Variants in NRG3 observed in about 807,000 individuals in gnomAD.
NRG3 encodes the protein pro-neuregulin-3, membrane-bound isoform.
A neutral mutation model predicts 66.9 loss-of-function variants in NRG3; 31 were observed. That is an observed-to-expected ratio of 0.46 (90% CI 0.35 to 0.63). The LOEUF (loss-of-function observed/expected upper bound fraction) is 0.63, where lower values mean the gene tolerates loss of function less well. Ranked by LOEUF, NRG3 falls within the 20% of genes least tolerant of loss-of-function variation. NRG3 has a pLI of 0.00. For missense variants in NRG3, 910 were observed against 878.9 expected (o/e 1.04, Z -0.45); for synonymous variants, 393 against 359.4 (o/e 1.09, Z -1.06).
At chr10:82,208,775 A>G (rs1269321280) in intron 1 of NRG3, among the ~76,000 whole-genome samples, 1 of 152,152 alleles carries the variant, frequency 6.6e-6, no homozygotes, top group African/African-American at 2.4e-5. Flanking sequence ...TAACAATTTA[A>G]TAAATATTAC....
intron 2 of NRG3, among the ~76,000 whole-genome samples, chr10:82,487,546 T>C (rs922279320): frequency 1.3e-5 from 2 of 152,174 alleles, no homozygotes; most frequent in Admixed American, 1.3e-4. Flanking sequence ...AGGTTAAACA[T>C]GTCATCATGA....
At chr10:82,973,132 G>C (rs1466397442) in intron 6 of NRG3, among the ~76,000 whole-genome samples, 1 of 152,154 alleles carries the variant, frequency 6.6e-6, no homozygotes, top group Admixed American at 6.6e-5. Flanking sequence ...GAGATGCCAT[G>C]TGATATTTCT....
intron 2 of NRG3, among the ~76,000 whole-genome samples, chr10:82,573,587 A>G (rs1366975072): frequency 6.6e-6 from 1 of 151,828 alleles, no homozygotes; most frequent in African/African-American, 2.4e-5. Flanking sequence ...TGAAGTGCTT[A>G]TGCAACACAT....
At chr10:82,869,690 C>T (rs1311609822) in intron 4 of NRG3, among the ~76,000 whole-genome samples, 1 of 151,500 alleles carries the variant, frequency 6.6e-6, no homozygotes, top group African/African-American at 2.4e-5. Flanking sequence ...TCACTGCAAG[C>T]TCCGCCTCAG....
rs749280670 is a variant in NRG3 at position 82,168,143 on chromosome 10, T to A, written c.824-190596T>A. On this transcript the variant is annotated intron_variant, in intron 1 of 8. Coordinates refer to ENST00000372141, the MANE Select transcript of NRG3 (RefSeq NM_001010848.4). ...AATATGACTTTGAATATTTTCTCTT[T>A]GTGCAGCCTAAGATTGCTGCATTTG... Among the ~76,000 whole-genome samples the A allele has an allele frequency of 2.0e-5, 3 of 152,192 alleles. No individual in the cohort carries two copies. The East Asian group carries it at 5.8e-4, about 29-fold the overall frequency.
intron 1 of NRG3, among the ~76,000 whole-genome samples, chr10:81,963,151 T>TTG (rs745834169): frequency 0.016 from 2,113 of 135,452 alleles, 80 homozygotes; most frequent in Non-Finnish European, 0.024. Flanking sequence ...TTTTTTTTTT[T>TTG]GAGACGGAGT....
intron 1 of NRG3, among the ~76,000 whole-genome samples, chr10:82,344,135 C>T (rs1381228004): frequency 1.3e-5 from 2 of 149,412 alleles, no homozygotes; most frequent in Non-Finnish European, 2.9e-5. Context: ...CATACGTATA[C>T]ATGTGCCATG....
intron 4 of NRG3, among the ~76,000 whole-genome samples, chr10:82,879,206 T>A (rs975416827): frequency 1.3e-5 from 2 of 152,192 alleles, no homozygotes; most frequent in African/African-American, 4.8e-5. Flanking sequence ...TTGTTGTGGA[T>A]CTCCAGCCCA....
At chr10:82,015,645 A>G (rs2061755105) in intron 1 of NRG3, among the ~76,000 whole-genome samples, 1 of 152,054 alleles carries the variant, frequency 6.6e-6, no homozygotes, top group Admixed American at 6.6e-5. Context: ...CCTTGGAAGA[A>G]GGTGACTTAA....
intron 2 of NRG3, among the ~76,000 whole-genome samples, chr10:82,639,122 T>A (rs2050394878): frequency 6.6e-6 from 1 of 152,296 alleles, no homozygotes; most frequent in East Asian, 1.9e-4. Flanking sequence ...CAGGATACCA[T>A]TGTCTTAATC....
chr10:82,106,056 A>C (rs182893826), intron 1 of NRG3, among the ~76,000 whole-genome samples: 1 of 152,184 alleles, frequency 6.6e-6, no homozygotes, highest in African/African-American at 2.4e-5. Context: ...TCTATTTCCA[A>C]TACTTTCCAC....
intron 2 of NRG3, among the ~76,000 whole-genome samples, chr10:82,400,967 T>C (rs1482193729): frequency 6.6e-6 from 1 of 152,126 alleles, no homozygotes; most frequent in Non-Finnish European, 1.5e-5. Context: ...ATCTCTTCCT[T>C]GGGTTTGGCA....
chr10:82,303,732 G>T (rs2080548660), intron 1 of NRG3, among the ~76,000 whole-genome samples: 1 of 151,990 alleles, frequency 6.6e-6, no homozygotes, highest in South Asian at 2.1e-4. Flanking sequence ...GCCGGGCGTG[G>T]TGGCGAGGGC....
intron 4 of NRG3, among the ~76,000 whole-genome samples, chr10:82,887,691 T>C (rs1842839293): frequency 1.3e-5 from 2 of 152,232 alleles, no homozygotes; most frequent in African/African-American, 4.8e-5. Context: ...TGCAATGTGC[T>C]AGGCATGATG....
At chr10:82,484,474 T>A (rs1474019558) in intron 2 of NRG3, among the ~76,000 whole-genome samples, 2 of 152,176 alleles carry the variant, frequency 1.3e-5, no homozygotes, top group African/African-American at 4.8e-5. Flanking sequence ...ACAATAACAG[T>A]TTTGTTGTCA....
intron 1 of NRG3, among the ~76,000 whole-genome samples, chr10:82,050,351 T>A (rs2063533239): frequency 1.3e-5 from 2 of 152,010 alleles, no homozygotes; most frequent in African/African-American, 2.4e-5. Flanking sequence ...TAATATTTTA[T>A]TATAAACCAC....
At chr10:82,735,885 C>T (rs1251356470) in intron 2 of NRG3, among the ~76,000 whole-genome samples, 2 of 151,944 alleles carry the variant, frequency 1.3e-5, no homozygotes, top group Non-Finnish European at 2.9e-5. Context: ...AACAAACCTG[C>T]ACATTTTGCA....
chr10:81,885,508 A>G (rs1842543289), intron 1 of NRG3, among the ~76,000 whole-genome samples: 1 of 152,174 alleles, frequency 6.6e-6, no homozygotes, highest in Non-Finnish European at 1.5e-5. Flanking sequence ...CGGGGGTACT[A>G]CAAACTAGAC....
chr10:82,668,113 C>T (rs568111233), intron 2 of NRG3, among the ~76,000 whole-genome samples: 26 of 152,238 alleles, frequency 1.7e-4, no homozygotes, highest in Non-Finnish European at 3.2e-4. Context: ...CCTCTTCCCT[C>T]TTCTTCTCTG....
Sources: gnomAD v4.1 joint callset for allele counts (sites outside exome capture counted in the v4.1 genomes callset) on GRCh38, gnomAD v4.1.1 for gene constraint, MANE v1.5 for transcripts, NCBI Gene and HGNC (gene_info 2026-07-23, HGNC 2026-07-21) for gene names.